The following PTPRT variants were observed in gnomAD, a reference collection of about 807,000 sequenced individuals.
The protein encoded by PTPRT is protein tyrosine phosphatase receptor type T, also known as receptor-type tyrosine-protein phosphatase T.
A neutral mutation model predicts 176.8 loss-of-function variants in PTPRT; 56 were observed. The ratio of observed to expected loss-of-function variants is 0.32; its 90% CI spans 0.26 to 0.40. The LOEUF (loss-of-function observed/expected upper bound fraction) is 0.40. Ranked by LOEUF, PTPRT falls within the 10% of genes least tolerant of loss-of-function variation. The pLI is 1.00. For synonymous variants in PTPRT, 783 were observed against 739.0 expected (o/e 1.06, Z -0.96); for missense variants, 1,540 against 1,908.2 (o/e 0.81, Z 3.60).
At chr20:43,074,721 A>G (rs1447228036) in intron 1 of PTPRT, among the ~76,000 whole-genome samples, 1 of 152,160 alleles carries the variant, frequency 6.6e-6, no homozygotes, top group Non-Finnish European at 1.5e-5. Context: ...GTAAAAAGAG[A>G]GAGTTGAACT....
At chr20:43,105,958 A>G (rs146964109) in intron 1 of PTPRT, among the ~76,000 whole-genome samples, 149 of 152,188 alleles carry the variant, frequency 9.8e-4, no homozygotes, top group African/African-American at 3.3e-3. Context: ...CTGTCAAGGA[A>G]TGGTGTGCAC....
rs572170269 is a variant in PTPRT, at chr20:42,572,577, C to G, written c.1154-100015G>C. On this transcript the variant is annotated intron_variant, in intron 7 of 30. Transcript: ENST00000373187. Reference sequence around the variant, plus strand: ...TGTCCTTTCGAGCCCATATAAAATGCACCTTTCTCAGGAAAGCCCCCTTCA... The same window carrying G: ...TGTCCTTTCGAGCCCATATAAAATGGACCTTTCTCAGGAAAGCCCCCTTCA... Among the ~76,000 whole-genome samples the G allele has an allele frequency of 3.3e-5, 5 of 152,332 alleles. No individual in the cohort carries two copies. In the East Asian group the frequency reaches 7.7e-4, roughly 24 times the overall value.
chr20:42,610,600 G>T (rs73280531), intron 7 of PTPRT, among the ~76,000 whole-genome samples: 4,792 of 152,072 alleles, frequency 0.032, 255 homozygotes, highest in African/African-American at 0.11. Flanking sequence ...AGACAGGAAG[G>T]GGTTTAGAAT....
At chr20:42,227,586 GA>G (rs2056043751) in intron 15 of PTPRT, among the ~76,000 whole-genome samples, 1 of 150,528 alleles carries the variant, frequency 6.6e-6, no homozygotes, top group African/African-American at 2.4e-5. Flanking sequence ...AGCGAATGGG[GA>G]AAGTCCCTCA....
chr20:42,131,809 G>A (rs1204487711), intron 18 of PTPRT, among the ~76,000 whole-genome samples: 2 of 152,224 alleles, frequency 1.3e-5, no homozygotes, highest in East Asian at 3.8e-4. Flanking sequence ...TTTGTGTAGT[G>A]ACATGTGAAT....
chr20:42,873,165 C>G (rs567673022), intron 2 of PTPRT, among the ~76,000 whole-genome samples: 1 of 152,296 alleles, frequency 6.6e-6, no homozygotes, highest in East Asian at 1.9e-4. Context: ...AGTGTTATGT[C>G]CATGTGCTAA....
intron 12 of PTPRT, among the ~76,000 whole-genome samples, chr20:42,292,953 G>T (rs2057339163): frequency 6.6e-6 from 1 of 152,310 alleles, no homozygotes; most frequent in Middle Eastern, 3.4e-3. Context: ...GCTGGATTCT[G>T]CAGACCCTCA....
Position 42,076,857 on chromosome 20 carries a change from CTGT to C in PTPRT, c.*4019_*4021del. ...AGACTATGAAGGAATTTTAAGCTTA[CTGT>C]TGTTTGCTTTGAGCTTTATCCACTG... On this transcript the variant is annotated 3_prime_UTR_variant, in exon 31 of 31. Coordinates refer to ENST00000373187, the MANE Select transcript of PTPRT (RefSeq NM_007050.6). The C allele has an allele frequency of 5.0e-6, 1 of 201,002 alleles. No homozygotes were observed. The highest frequency in any genetic ancestry group is 7.7e-5 in the East Asian group (1 of 12,954). The allele number at this position is 201,002 out of a possible 1,614,324, so 12.5% of individuals were successfully genotyped here.
chr20:43,088,924 C>T (rs1568777858), intron 1 of PTPRT, among the ~76,000 whole-genome samples: 2 of 152,104 alleles, frequency 1.3e-5, no homozygotes, highest in Admixed American at 1.3e-4. Flanking sequence ...ATGCAAGTAG[C>T]TCGGCAAGGA....
intron 12 of PTPRT, among the ~76,000 whole-genome samples, chr20:42,298,058 G>A (rs528026046): frequency 6.6e-6 from 1 of 152,046 alleles, no homozygotes; most frequent in South Asian, 2.1e-4. Context: ...AAAAATATAA[G>A]CAAAGTCAAC....
intron 2 of PTPRT, among the ~76,000 whole-genome samples, chr20:42,822,590 A>G (rs1339165337): frequency 1.3e-5 from 2 of 152,254 alleles, no homozygotes; most frequent in Admixed American, 1.3e-4. Flanking sequence ...ACAGCAAAAG[A>G]AACTAGCATC....
At position 42,593,257 on chromosome 20, in the gene PTPRT, A is replaced by G. The variant is rs144529931; in HGVS notation, c.1153+84609T>C. On this transcript the variant is annotated intron_variant, in intron 7 of 30. Coordinates refer to ENST00000373187, the MANE Select transcript of PTPRT (RefSeq NM_007050.6). ...ATGCCAAAATCCTCCGCACATCTTC[A>G]TCTAGTGGTCACCCAGCCTCTGATA... 2.7e-3 allele frequency among the ~76,000 whole-genome samples: 412 copies of G among 152,218 alleles called. 2 individuals are homozygous for G. The highest frequency in any genetic ancestry group is 9.7e-3 in the African/African-American group (402 of 41,530).
At chr20:42,439,478 A>G (rs2059292966) in intron 9 of PTPRT, among the ~76,000 whole-genome samples, 1 of 152,220 alleles carries the variant, frequency 6.6e-6, no homozygotes, top group Admixed American at 6.5e-5. Context: ...GAGGGAAAAA[A>G]GACCAATGTT....
At chr20:42,692,279 C>T (rs924518225) in intron 6 of PTPRT, among the ~76,000 whole-genome samples, 16 of 152,148 alleles carry the variant, frequency 1.1e-4, no homozygotes, top group African/African-American at 3.1e-4. Context: ...CTCGTAAACA[C>T]GTAAACTAAA....
intron 7 of PTPRT, among the ~76,000 whole-genome samples, chr20:42,492,916 A>G (rs1474694396): frequency 6.6e-6 from 1 of 152,174 alleles, no homozygotes; most frequent in Admixed American, 6.5e-5. Flanking sequence ...TCAATATGTT[A>G]ATAAGCTTGA....
chr20:42,093,878 C>T (rs572063473), intron 27 of PTPRT, among the ~76,000 whole-genome samples: 4 of 152,340 alleles, frequency 2.6e-5, no homozygotes, highest in Non-Finnish European at 4.4e-5. Context: ...CCAGCTGCTG[C>T]GGTGATGATA....
At chr20:42,257,994 A>T (rs1391434276) in intron 13 of PTPRT, among the ~76,000 whole-genome samples, 1 of 152,060 alleles carries the variant, frequency 6.6e-6, no homozygotes, top group Non-Finnish European at 1.5e-5. Flanking sequence ...CACAGAGATT[A>T]TTCTCTTTAA....
In PTPRT at chr20:42,667,504, A is replaced by ACTCTAATTT. The variant is rs2075336636; in HGVS notation, c.1153+10353_1153+10361dup. On this transcript the variant is annotated intron_variant, in intron 7 of 30. Coordinates refer to ENST00000373187, the MANE Select transcript of PTPRT (RefSeq NM_007050.6). ...GTGACAGAGCTGTAAGAGTGATTGA[A>ACTCTAATTT]CTCTAATTTTAATATATTTGGGATG... is the stretch of plus-strand genomic sequence containing the variant. 3.3e-5 allele frequency among the ~76,000 whole-genome samples: 5 copies of ACTCTAATTT among 152,294 alleles called. No individual in the cohort carries two copies. The South Asian group carries it at 1.0e-3, about 32-fold the overall frequency.
chr20:42,321,869 G>A (rs1338177442), intron 11 of PTPRT, among the ~76,000 whole-genome samples: 5 of 152,252 alleles, frequency 3.3e-5, no homozygotes, highest in South Asian at 4.1e-4. Flanking sequence ...GGATCATGAG[G>A]TCAGGAGATC....
Sources: allele counts gnomAD v4.1 joint callset (sites outside exome capture counted in the v4.1 genomes callset), GRCh38; gene constraint gnomAD v4.1.1; transcripts MANE v1.5; gene names NCBI Gene and HGNC (gene_info 2026-07-23, HGNC 2026-07-21).